Variants in TRDN observed in about 807,000 individuals in gnomAD.
TRDN encodes the protein triadin, also known as triadin in skeletal muscle.
In TRDN, 161 loss-of-function variants were observed where a neutral mutation model predicts 149.7. The ratio of observed to expected loss-of-function variants is 1.08; its 90% CI spans 0.95 to 1.23. The LOEUF (loss-of-function observed/expected upper bound fraction) is 1.23. Among genes scored for constraint, TRDN ranks in the 50% most tolerant of loss-of-function variants. The pLI is 0.00. For missense variants in TRDN, 896 were observed against 823.5 expected (o/e 1.09, Z -1.08); for synonymous variants, 294 against 250.5 (o/e 1.17, Z -1.64).
At chr6:123,517,438 T>C (rs1779467278) in intron 5 of TRDN, among the ~76,000 whole-genome samples, 1 of 152,124 alleles carries the variant, frequency 6.6e-6, no homozygotes, top group African/African-American at 2.4e-5. Flanking sequence ...AACATGAAAA[T>C]TCGATATCAT....
At chr6:123,350,387 A>T in intron 21 of TRDN, 1 of 856,454 alleles carries the variant, frequency 1.2e-6, no homozygotes, top group Non-Finnish European at 1.4e-6. Flanking sequence ...CAAAAATCAT[A>T]TAATTTTTCT....
chr6:123,366,033 C>A, intron 20 of TRDN, 102 bp downstream of exon 20: 1 of 1,040,634 alleles, frequency 9.6e-7, no homozygotes, highest in South Asian at 1.6e-5. Flanking sequence ...CTAGTAAAAT[C>A]AATAAATAGA....
intron 1 of TRDN, among the ~76,000 whole-genome samples, chr6:123,628,167 G>A (rs1469173172): frequency 6.6e-6 from 1 of 152,126 alleles, no homozygotes; most frequent in Non-Finnish European, 1.5e-5. Context: ...GCCTATCTTG[G>A]CTTTTGGCAT....
At chr6:123,604,385 G>C (rs1030971699) in intron 1 of TRDN, among the ~76,000 whole-genome samples, 1 of 152,244 alleles carries the variant, frequency 6.6e-6, no homozygotes, top group Non-Finnish European at 1.5e-5. Context: ...TAGCAAAATG[G>C]AGAGGGAAAA....
In TRDN at chr6:123,550,048, T is replaced by G. The variant is rs74466370; in HGVS notation, c.233-1436A>C. On this transcript the variant is annotated intron_variant, in intron 2 of 40. Coordinates refer to ENST00000334268, the MANE Select transcript of TRDN (RefSeq NM_006073.4). ...AAAATTTGGGTTGCCTATTAGATAC[T>G]TACATCAAGATGTAGACATTTGTGT... Among the ~76,000 whole-genome samples, 1,201 of 152,132 alleles carry G rather than the reference T, an allele frequency of 7.9e-3. 5 individuals carry two copies. Among genetic ancestry groups the G allele is most frequent in the Non-Finnish European group, 0.014 (956 of 67,978 alleles).
chr6:123,243,115 G>A (rs1776050043), intron 38 of TRDN, among the ~76,000 whole-genome samples: 1 of 152,086 alleles, frequency 6.6e-6, no homozygotes, highest in South Asian at 2.1e-4. Context: ...ACAGAACCAA[G>A]GTGCAAGAAA....
chr6:123,426,201 G>A (rs1774112362), intron 12 of TRDN, among the ~76,000 whole-genome samples: 1 of 152,090 alleles, frequency 6.6e-6, no homozygotes, highest in Non-Finnish European at 1.5e-5. Context: ...CAGAGCTTGT[G>A]AGAGATCTCT....
At chr6:123,326,777 T>C (rs1262280894) in intron 23 of TRDN, among the ~76,000 whole-genome samples, 1 of 152,140 alleles carries the variant, frequency 6.6e-6, no homozygotes, top group Non-Finnish European at 1.5e-5. Context: ...TTTGGTCATT[T>C]GCTCAATTAG....
At chr6:123,446,081 T>C (rs1583038099) in intron 10 of TRDN, among the ~76,000 whole-genome samples, 1 of 151,710 alleles carries the variant, frequency 6.6e-6, no homozygotes, top group East Asian at 1.9e-4. Flanking sequence ...TTCATGTTCT[T>C]TGTAGGGACA....
chr6:123,588,992 A>G (rs577560055), intron 1 of TRDN, among the ~76,000 whole-genome samples: 5 of 152,294 alleles, frequency 3.3e-5, no homozygotes, highest in Admixed American at 3.3e-4. Context: ...GTACAGTGGG[A>G]CAGATTAGGG....
chr6:123,284,598 C>A (rs1172827287), intron 24 of TRDN, among the ~76,000 whole-genome samples: 1 of 152,020 alleles, frequency 6.6e-6, no homozygotes. Context: ...CCTCTGAAAA[C>A]TAGAACAGGA....
chr6:123,275,198 T>G (rs753939380), intron 26 of TRDN, among the ~76,000 whole-genome samples: 1 of 152,120 alleles, frequency 6.6e-6, no homozygotes, highest in Non-Finnish European at 1.5e-5. Context: ...TACCTAAGAA[T>G]GTAACCTTAT....
At chr6:123,541,664 GATTT>G (rs1469435070) in intron 4 of TRDN, among the ~76,000 whole-genome samples, 1 of 152,156 alleles carries the variant, frequency 6.6e-6, no homozygotes, top group African/African-American at 2.4e-5. Flanking sequence ...CTTTGATCTA[GATTT>G]ATTTAGAGGA....
intron 4 of TRDN, among the ~76,000 whole-genome samples, chr6:123,543,693 G>T (rs1780966058): frequency 6.6e-6 from 1 of 151,974 alleles, no homozygotes; most frequent in Non-Finnish European, 1.5e-5. Context: ...ATAATTTATA[G>T]ATTATTGTAA....
At chr6:123,452,878 A>G (rs1227996105) in intron 10 of TRDN, among the ~76,000 whole-genome samples, 1 of 152,202 alleles carries the variant, frequency 6.6e-6, no homozygotes, top group African/African-American at 2.4e-5. Context: ...TCACCAAAAT[A>G]TCATGGTACT....
At chr6:123,370,587 T>C (rs1331014956) in intron 19 of TRDN, among the ~76,000 whole-genome samples, 1 of 152,140 alleles carries the variant, frequency 6.6e-6, no homozygotes, top group Non-Finnish European at 1.5e-5. Context: ...TGTGCAATAA[T>C]TTTCATAGAA....
chr6:123,229,321 CA>C (rs1381873133), intron 38 of TRDN, among the ~76,000 whole-genome samples: 1 of 151,872 alleles, frequency 6.6e-6, no homozygotes, highest in Non-Finnish European at 1.5e-5. Flanking sequence ...TATTAAAAAT[CA>C]ATAAATTTAC....
At chr6:123,541,892 C>T (rs961767576) in intron 4 of TRDN, among the ~76,000 whole-genome samples, 1 of 152,140 alleles carries the variant, frequency 6.6e-6, no homozygotes, top group Non-Finnish European at 1.5e-5. Context: ...CACACACATA[C>T]GTCTATCCAT....
At chr6:123,305,060 C>G (rs1467155232) in intron 24 of TRDN, among the ~76,000 whole-genome samples, 1 of 152,136 alleles carries the variant, frequency 6.6e-6, no homozygotes, top group African/African-American at 2.4e-5. Context: ...AAAATCTGCT[C>G]TCTCTTTACA....
Sources: gnomAD v4.1 joint callset for allele counts (sites outside exome capture counted in the v4.1 genomes callset) on GRCh38, gnomAD v4.1.1 for gene constraint, MANE v1.5 for transcripts, NCBI Gene and HGNC (gene_info 2026-07-23, HGNC 2026-07-21) for gene names.